Variants in NKAIN3 observed in about 807,000 individuals in gnomAD.
NKAIN3 encodes the protein sodium/potassium transporting ATPase interacting 3.
Under a neutral mutation model 30.2 loss-of-function variants are expected in NKAIN3, and 25 were observed. That is an observed-to-expected ratio of 0.83 (90% CI 0.60 to 1.16). The LOEUF is 1.16. Ranked by LOEUF, NKAIN3 falls within the 50% of genes most tolerant of loss-of-function variation. The pLI is 0.00. For synonymous variants in NKAIN3, 91 were observed against 89.6 expected (o/e 1.02, Z -0.09); for missense variants, 225 against 254.1 (o/e 0.89, Z 0.78).
chr8:62,329,272 A>T (rs1815254562), intron 1 of NKAIN3, among the ~76,000 whole-genome samples: 1 of 152,072 alleles, frequency 6.6e-6, no homozygotes, highest in Non-Finnish European at 1.5e-5. Context: ...ACCCTGAAAA[A>T]TTTGAAAGAC....
chr8:62,451,983 T>C (rs907902163), intron 1 of NKAIN3, among the ~76,000 whole-genome samples: 1 of 152,150 alleles, frequency 6.6e-6, no homozygotes, highest in Non-Finnish European at 1.5e-5. Flanking sequence ...TATCAATAGG[T>C]AGTTGTAAAT....
At chr8:62,850,997 T>C (rs980865918) in intron 4 of NKAIN3, among the ~76,000 whole-genome samples, 1 of 152,074 alleles carries the variant, frequency 6.6e-6, no homozygotes, top group Admixed American at 6.5e-5. Context: ...GTGAAGAAAG[T>C]CATTGGTAGC....
chr8:62,615,891 T>G (rs1443350630), intron 3 of NKAIN3, among the ~76,000 whole-genome samples: 2 of 152,094 alleles, frequency 1.3e-5, no homozygotes, highest in African/African-American at 4.8e-5. Context: ...TTTAATCTCT[T>G]CAGTGCCTCT....
intron 3 of NKAIN3, among the ~76,000 whole-genome samples, chr8:62,632,283 TG>T (rs1811987168): frequency 6.6e-6 from 1 of 152,202 alleles, no homozygotes; most frequent in African/African-American, 2.4e-5. Flanking sequence ...ATGAAATTTT[TG>T]TGTCTTCAAA....
At chr8:62,336,839 G>T (rs1815567748) in intron 1 of NKAIN3, among the ~76,000 whole-genome samples, 1 of 152,026 alleles carries the variant, frequency 6.6e-6, no homozygotes, top group Admixed American at 6.6e-5. Context: ...AGTCAGCAAA[G>T]TTTTTTGGTG....
intron 6 of NKAIN3, among the ~76,000 whole-genome samples, chr8:62,960,842 A>G (rs1212268026): frequency 1.3e-5 from 2 of 152,102 alleles, no homozygotes; most frequent in African/African-American, 4.8e-5. Context: ...GAGGGCAGTT[A>G]CCCTTAAGTA....
chr8:62,494,909 A>G (rs1807186795), intron 1 of NKAIN3, among the ~76,000 whole-genome samples: 1 of 151,832 alleles, frequency 6.6e-6, no homozygotes, highest in Admixed American at 6.6e-5. Flanking sequence ...TTTTCTTTTT[A>G]TTAGTCTAGC....
rs554518034 is a variant in NKAIN3, at chr8:62,331,000, T to C, written c.54+81873T>C. On this transcript the variant is annotated intron_variant, in intron 1 of 6. Transcript: ENST00000623646. ...TCTCTAGACTTCTCTCTCTCTCTCT[T>C]TCTCTCTCTCTCTATATATATGTAT... Among the ~76,000 whole-genome samples the C allele has an allele frequency of 5.7e-5, 8 of 140,704 alleles. No individual in the cohort carries two copies. The South Asian group carries it at 1.1e-3, about 19-fold the overall frequency. 92.3% of individuals were successfully genotyped at this position (140,704 alleles called of 152,430 possible).
intron 1 of NKAIN3, among the ~76,000 whole-genome samples, chr8:62,329,273 T>C (rs1585686412): frequency 6.6e-6 from 1 of 152,006 alleles, no homozygotes; most frequent in Non-Finnish European, 1.5e-5. Context: ...CCCTGAAAAA[T>C]TTGAAAGACT....
Position 62,579,559 on chromosome 8 carries a change from G to C in NKAIN3, c.75G>C (p.Gln25His), listed in dbSNP as rs1234326568. The C allele has an allele frequency of 6.2e-7, 1 of 1,609,350 alleles. No homozygotes were observed. The highest frequency in any genetic ancestry group is 8.5e-7 in the Non-Finnish European group (1 of 1,177,796). The change falls in exon 2 of 7, where the codon CAG becomes CAC. Residue 25 changes from glutamine to histidine, a missense_variant. Gln to His is a conservative substitution (Grantham distance 24, BLOSUM62 0). Coordinates refer to ENST00000623646, the MANE Select transcript of NKAIN3 (RefSeq NM_001304533.3). ...TGTAGGTCTCAGCATTAGAGAGGCA[G>C]ATCTTTGACTTCCTTGGTTTCCAGT... ...ALQLVSALER[Q>H]IFDFLGFQWA... is the part of the protein sequence containing the mutation.
At chr8:62,559,520 C>T (rs1348783703) in intron 1 of NKAIN3, among the ~76,000 whole-genome samples, 1 of 151,892 alleles carries the variant, frequency 6.6e-6, no homozygotes. Flanking sequence ...CTTTAGGTTA[C>T]TTGGACATTT....
chr8:62,925,498 A>C (rs1586353628), intron 5 of NKAIN3, among the ~76,000 whole-genome samples: 1 of 152,200 alleles, frequency 6.6e-6, no homozygotes, highest in East Asian at 1.9e-4. Context: ...TCTGGAGAGA[A>C]GGTGTAGCTT....
At chr8:62,944,521 C>G (rs139268751) in intron 5 of NKAIN3, among the ~76,000 whole-genome samples, 44 of 152,248 alleles carry the variant, frequency 2.9e-4, no homozygotes, top group African/African-American at 1.0e-3. Context: ...GTTTCACAAT[C>G]CATTAATGCT....
intron 3 of NKAIN3, among the ~76,000 whole-genome samples, chr8:62,734,931 C>A (rs1250461817): frequency 6.6e-6 from 1 of 152,210 alleles, no homozygotes; most frequent in African/African-American, 2.4e-5. Flanking sequence ...GATAGGGCTC[C>A]AATCCCTTCT....
intron 4 of NKAIN3, among the ~76,000 whole-genome samples, chr8:62,900,368 A>T (rs1042771612): frequency 1.3e-5 from 2 of 152,228 alleles, no homozygotes; most frequent in African/African-American, 4.8e-5. Flanking sequence ...GAATTACACC[A>T]TCATCCTGGG....
chr8:62,834,174 C>A (rs1479905927), intron 4 of NKAIN3, among the ~76,000 whole-genome samples: 1 of 151,884 alleles, frequency 6.6e-6, no homozygotes, highest in African/African-American at 2.4e-5. Context: ...AAGAACATAC[C>A]TCAAAATAGT....
intron 1 of NKAIN3, among the ~76,000 whole-genome samples, chr8:62,299,811 G>C (rs1156644690): frequency 1.3e-5 from 2 of 152,038 alleles, no homozygotes; most frequent in African/African-American, 4.8e-5. Context: ...AACACGGAAA[G>C]GCTTTATTTT....
At chr8:62,853,209 T>C (rs981710458) in intron 4 of NKAIN3, among the ~76,000 whole-genome samples, 8 of 152,218 alleles carry the variant, frequency 5.3e-5, no homozygotes, top group Non-Finnish European at 1.2e-4. Context: ...CATTATGTAA[T>C]GGCCTTCTTT....
Position 62,980,802 on chromosome 8 carries a change from T to A in NKAIN3, c.*15395T>A, listed in dbSNP as rs185849083. 6.6e-6 allele frequency: 1 copy of A among 152,342 alleles called. No individual in the cohort carries two copies. The highest frequency in any genetic ancestry group is 6.5e-5 in the Admixed American group (1 of 15,300). The allele number at this position is 152,342 out of a possible 1,614,324, so 9.4% of individuals were successfully genotyped here. On this transcript the variant is annotated 3_prime_UTR_variant, in exon 7 of 7. Transcript: ENST00000623646. ...GCATGCTTAGCTTAATTTGTTTCTA[T>A]GGCACAAGCAAAGCTCATTAATTCC...
Sources: allele counts gnomAD v4.1 joint callset (sites outside exome capture counted in the v4.1 genomes callset), GRCh38; gene constraint gnomAD v4.1.1; transcripts MANE v1.5; gene names NCBI Gene and HGNC (gene_info 2026-07-23, HGNC 2026-07-21).